The following SPATA22 variants were observed in gnomAD, a reference collection of about 807,000 sequenced individuals.
SPATA22 encodes the protein spermatogenesis associated 22, also known as spermatogenesis-associated protein 22.
A neutral mutation model predicts 47.8 loss-of-function variants in SPATA22; 29 were observed. That is an observed-to-expected ratio of 0.61 (90% CI 0.45 to 0.83). The LOEUF is 0.83. Ranked by LOEUF, SPATA22 falls within the 40% of genes least tolerant of loss-of-function variation. SPATA22 has a pLI of 0.00. For synonymous variants in SPATA22, 133 were observed against 140.9 expected (o/e 0.94, Z 0.40); for missense variants, 410 against 421.7 (o/e 0.97, Z 0.24).
At chr17:3,479,529 T>C (rs1040091659) in intron 1 of SPATA22, among the ~76,000 whole-genome samples, 3 of 152,120 alleles carry the variant, frequency 2.0e-5, no homozygotes, top group African/African-American at 7.2e-5. Flanking sequence ...GGCCACATGA[T>C]ATCATCAATG....
chr17:3,507,356 C>G (rs1406561409), intron 1 of SPATA22, among the ~76,000 whole-genome samples: 1 of 152,152 alleles, frequency 6.6e-6, no homozygotes, highest in East Asian at 1.9e-4. Context: ...TATTCATGTC[C>G]TTCTCCCCTC....
intron 1 of SPATA22, chr17:3,489,403 G>A (rs762720755): frequency 3.8e-4 from 526 of 1,370,862 alleles, no homozygotes; most frequent in Non-Finnish European, 5.1e-4. Flanking sequence ...ATAACAATTG[G>A]AACCTGGGTC....
chr17:3,481,928 G>T (rs1173639002), intron 1 of SPATA22: 1 of 881,450 alleles, frequency 1.1e-6, no homozygotes, highest in African/African-American at 1.7e-5. Context: ...CCATAGCCAG[G>T]CTTGGTGGTT....
intron 3 of SPATA22, among the ~76,000 whole-genome samples, chr17:3,464,949 G>A (rs2073252285): frequency 1.9e-5 from 2 of 104,402 alleles, no homozygotes; most frequent in African/African-American, 5.7e-5. Context: ...GGGCGCCTCT[G>A]CCCAGCCGCC....
intron 5 of SPATA22, among the ~76,000 whole-genome samples, chr17:3,451,910 G>A (rs2150706171): frequency 1.3e-5 from 2 of 149,976 alleles, no homozygotes; most frequent in South Asian, 4.2e-4. Context: ...TTGCACCACT[G>A]CACTCCAGCC....
intron 5 of SPATA22, among the ~76,000 whole-genome samples, chr17:3,460,429 C>G (rs2073099865): frequency 6.6e-6 from 1 of 151,948 alleles, no homozygotes; most frequent in South Asian, 2.1e-4. Context: ...ATATCCTTAT[C>G]TTCCCTTAAA....
intron 1 of SPATA22, among the ~76,000 whole-genome samples, chr17:3,507,153 C>A (rs2074048521): frequency 1.3e-5 from 2 of 151,932 alleles, no homozygotes; most frequent in South Asian, 4.1e-4. Context: ...GGGATAAAAC[C>A]TACTACAGCT....
chr17:3,464,498 T>C (rs189515990), intron 3 of SPATA22, among the ~76,000 whole-genome samples: 50,263 of 103,552 alleles, frequency 0.49, 12,791 homozygotes, highest in Non-Finnish European at 0.6. Flanking sequence ...AAGTGAGGAG[T>C]GTCTCTGCCC....
intron 5 of SPATA22, among the ~76,000 whole-genome samples, chr17:3,452,691 A>G (rs898193663): frequency 2.6e-5 from 4 of 152,140 alleles, no homozygotes; most frequent in African/African-American, 4.8e-5. Context: ...ATTTAAATAA[A>G]TGAAAGAGGA....
Position 3,485,121 on chromosome 17 carries a change from C to A in SPATA22, c.-73-15723G>T, listed in dbSNP as rs959798511. Among the ~76,000 whole-genome samples the A allele has an allele frequency of 2.6e-5, 4 of 152,068 alleles. No homozygotes were observed. The highest frequency in any genetic ancestry group is 1.3e-4 in the Admixed American group (2 of 15,260). On this transcript the variant is annotated intron_variant, in intron 1 of 8. Transcript: ENST00000541913. The surrounding 1 kb of genome is among the most constrained non-coding windows in gnomAD (Gnocchi z 4.4). ...GCAGCCTTGACCTCCTGGGCTCAGGCAATCCTCCCATCTCAGCCTCCCAAG... is the reference window on the plus strand; with the variant it reads ...GCAGCCTTGACCTCCTGGGCTCAGGAAATCCTCCCATCTCAGCCTCCCAAG...
chr17:3,447,239 A>C (rs1334370472), intron 6 of SPATA22, among the ~76,000 whole-genome samples: 1 of 152,160 alleles, frequency 6.6e-6, no homozygotes, highest in African/African-American at 2.4e-5. Context: ...GGGAACAGCA[A>C]GTATAAAAGC....
At chr17:3,454,604 C>A (rs1375035105) in intron 5 of SPATA22, among the ~76,000 whole-genome samples, 1 of 151,938 alleles carries the variant, frequency 6.6e-6, no homozygotes, top group East Asian at 1.9e-4. Context: ...CCAATTTCAT[C>A]CATGTCCCTA....
chr17:3,454,555 T>C (rs552654118), intron 5 of SPATA22, among the ~76,000 whole-genome samples: 75 of 151,808 alleles, frequency 4.9e-4, no homozygotes, highest in African/African-American at 1.7e-3. Context: ...CGGTGTTTGG[T>C]TTTTTGTCCT....
chr17:3,485,089 G>C lies in SPATA22; in HGVS notation c.-73-15691C>G, dbSNP rs1442613776. Among the ~76,000 whole-genome samples the C allele has an allele frequency of 1.3e-5, 2 of 152,032 alleles. No homozygotes were observed. Among genetic ancestry groups the C allele is most frequent in the African/African-American group, 2.4e-5 (1 of 41,398 alleles). On this transcript the variant is annotated intron_variant, in intron 1 of 8. Coordinates refer to the SPATA22 transcript ENST00000541913. This position sits in a 1 kb window ranked among gnomAD's most constrained non-coding sequence, Gnocchi z 4.4. ...GGCTGAGTGTAGTGGCACGATCACA[G>C]TTCACTGCAGCCTTGACCTCCTGGG...
chr17:3,509,381 T>C (rs2074082784), intron 1 of SPATA22, among the ~76,000 whole-genome samples: 2 of 152,152 alleles, frequency 1.3e-5, no homozygotes, highest in Admixed American at 6.5e-5. Flanking sequence ...ATGTTCTCAA[T>C]GTTCAATTCC....
upstream of SPATA22, chr17:3,476,431 T>C (rs1461597504): frequency 1.4e-5 from 22 of 1,592,156 alleles, no homozygotes; most frequent in Non-Finnish European, 1.9e-5. Context: ...TGTATGTATG[T>C]TGTGTGAAAA....
intron 1 of SPATA22, chr17:3,483,513 A>T (rs760702576): frequency 6.2e-7 from 1 of 1,614,084 alleles, no homozygotes; most frequent in Non-Finnish European, 8.5e-7. Context: ...CTCTGGCTCC[A>T]CTACCCTGCT....
chr17:3,464,795 TCTGAGAAGTGAGGAGCCCCTCCGCCC>T lies in SPATA22; in HGVS notation c.173-2054_173-2029del, dbSNP rs2073241599. Among the ~76,000 whole-genome samples, 3 of 135,668 alleles carry T rather than the reference TCTGAGAAGTGAGGAGCCCCTCCGCCC, an allele frequency of 2.2e-5. No individual in the cohort carries two copies. The Admixed American group carries it at 2.2e-4, about 10-fold the overall frequency. 89.0% of individuals were successfully genotyped at this position (135,668 alleles called of 152,430 possible). The stretch of plus-strand genomic sequence containing the variant: ...GCCCCTCCGCCCGGCAGCCGCCCCG[TCTGAGAAGTGAGGAGCCCCTCCGCCC>T]GGCAGCCACCCCGTCTGGGAAGTGA... On this transcript the variant is annotated intron_variant, in intron 3 of 8. Coordinates refer to ENST00000572969, the MANE Select transcript of SPATA22 (RefSeq NM_001170698.2).
Position 3,440,241 on chromosome 17 carries a change from G to C in SPATA22, c.998C>G (p.Pro333Arg). The C allele has an allele frequency of 6.2e-7, 1 of 1,611,034 alleles. No homozygotes were observed. Among genetic ancestry groups the C allele is most frequent in the South Asian group, 1.1e-5 (1 of 90,652 alleles). The change falls in exon 9 of 9, where the codon CCG becomes CGG. Residue 333 changes from proline to arginine, a missense_variant. Pro to Arg is a moderately radical substitution (Grantham distance 103). Coordinates refer to ENST00000572969, the MANE Select transcript of SPATA22 (RefSeq NM_001170698.2). The part of the protein sequence containing the change: ...KNIFQCVSVR[P>R]ASVSEQKTFQ... ...AGTTTTTTGTTCAGAAACAGACGCC[G>C]GTCTGACAGAAACACATTGGAAAAT...
Sources: gnomAD v4.1 joint callset for allele counts (sites outside exome capture counted in the v4.1 genomes callset) on GRCh38, gnomAD v4.1.1 for gene constraint, Gnocchi (gnomAD v3.1) non-coding constraint, MANE v1.5 for transcripts, NCBI Gene and HGNC (gene_info 2026-07-23, HGNC 2026-07-21) for gene names.